Variants in YLPM1 observed in about 807,000 individuals in gnomAD.
YLPM1 encodes the protein YLP motif containing 1.
Under a neutral mutation model 230.0 loss-of-function variants are expected in YLPM1, and 99 were observed. The ratio of observed to expected loss-of-function variants is 0.43; its 90% confidence interval spans 0.37 to 0.51. The LOEUF (loss-of-function observed/expected upper bound fraction) is 0.51, where lower values mean the gene tolerates loss of function less well. YLPM1 is among the 20% of genes least tolerant of loss of function. The probability of loss-of-function intolerance (pLI) is 0.00; values close to 1 mark genes in which losing one functional copy is unlikely to be tolerated. For synonymous variants in YLPM1, 984 were observed against 942.5 expected (o/e 1.04, Z -0.81); for missense variants, 2,592 against 2,707.7 (o/e 0.96, Z 0.95).
Position 74,809,561 on chromosome 14 carries a change from C to T in YLPM1, c.4703C>T (p.Ala1568Val). 6.2e-7 allele frequency: 1 copy of T among 1,607,276 alleles called. No homozygotes were observed. The highest frequency in any genetic ancestry group is 8.5e-7 in the Non-Finnish European group (1 of 1,176,444). Reference sequence around the variant, plus strand: ...CCAGTGATAAAGCCACAAACTTCAGCTGTAGAACAGGAACGATGGGATGAA... The same window carrying T: ...CCAGTGATAAAGCCACAAACTTCAGTTGTAGAACAGGAACGATGGGATGAA... ...PPPVIKPQTS[A>V]VEQERWDEDS... Residue 1568 changes from alanine to valine, a missense_variant, in exon 7 of 21, where the codon GCT becomes GTT. Physicochemically the swap from Ala to Val is moderately conservative, Grantham distance 64 (BLOSUM62 0). Coordinates refer to ENST00000325680, the MANE Select transcript of YLPM1 (RefSeq NM_019589.3).
In YLPM1 at chr14:74,781,573, T is replaced by C. The variant is rs1453070117; in HGVS notation, c.1530T>C (p.Tyr510=). 5 of 1,613,962 alleles carry C rather than the reference T, an allele frequency of 3.1e-6. No homozygotes were observed. Among genetic ancestry groups the C allele is most frequent in the Admixed American group, 1.7e-5 (1 of 60,012 alleles). ...VNSFQNMKNQ[Y]MGNMSMPPPF... is the part of the protein sequence containing the mutation. ...CATTTCAGAACATGAAGAACCAGTA[T>C]ATGGGGAACATGTCAATGCCACCTC... Residue 510 remains tyrosine, a synonymous_variant, in exon 4 of 21, where the codon TAT becomes TAC. Coordinates refer to ENST00000325680, the MANE Select transcript of YLPM1 (RefSeq NM_019589.3).
chr14:74,806,407 G>A (rs1427221441), intron 6 of YLPM1, among the ~76,000 whole-genome samples: 1 of 152,016 alleles, frequency 6.6e-6, no homozygotes, highest in African/African-American at 2.4e-5. Context: ...CCAACATGGT[G>A]AACCCTCGCC....
chr14:74,832,172 G>A (rs142119460), intron 19 of YLPM1, among the ~76,000 whole-genome samples: 125 of 152,294 alleles, frequency 8.2e-4, no homozygotes, highest in African/African-American at 2.8e-3. Flanking sequence ...AATGTCGTAA[G>A]TCTCAAAAGT....
intron 11 of YLPM1, 104 bp from the exon 12 acceptor site, chr14:74,816,099 G>C: frequency 9.8e-7 from 1 of 1,016,946 alleles, no homozygotes; most frequent in Non-Finnish European, 1.4e-6. Context: ...ATGGCCTGTT[G>C]TATAGTCTAT....
rs778820773 is a variant in YLPM1, at chr14:74,817,118, A to C, written c.5862+11A>C. 2 of 1,598,834 alleles carry C rather than the reference A, an allele frequency of 1.3e-6. No individual in the cohort carries two copies. Among genetic ancestry groups the C allele is most frequent in the East Asian group, 4.5e-5 (2 of 44,708 alleles). Reference sequence around the variant, plus strand: ...ACCAAGGGATTTGAGGTAGAAGCTTAAAGAACTTTAAAGTACTTTGTGTTG... The same window carrying C: ...ACCAAGGGATTTGAGGTAGAAGCTTCAAGAACTTTAAAGTACTTTGTGTTG... On this transcript the variant is annotated intron_variant, in intron 14 of 20. Coordinates refer to ENST00000325680, the MANE Select transcript of YLPM1 (RefSeq NM_019589.3).
intron 4 of YLPM1, among the ~76,000 whole-genome samples, chr14:74,794,599 C>CTTTTTTTT (rs57279878): frequency 6.7e-6 from 1 of 149,666 alleles, no homozygotes; most frequent in Non-Finnish European, 1.5e-5. Flanking sequence ...CACACAAAGT[C>CTTTTTTTT]TTTTTTTTTT....
chr14:74,797,480 TA>T, intron 4 of YLPM1, 99 bp from the exon 5 acceptor site: 1 of 1,034,648 alleles, frequency 9.7e-7, no homozygotes, highest in Non-Finnish European at 1.4e-6. Flanking sequence ...GTCATTGTTG[TA>T]AACAAATTCT....
intron 12 of YLPM1, 107 bp downstream of exon 12, chr14:74,816,372 A>G (rs1566762435): frequency 1.5e-6 from 2 of 1,335,654 alleles, no homozygotes; most frequent in Non-Finnish European, 2.1e-6. Flanking sequence ...ATTGTCTTCC[A>G]TTTGATCCAT....
Position 74,781,495 on chromosome 14 carries a change from A to T in YLPM1, c.1452A>T (p.Thr484=), listed in dbSNP as rs2091091529. 1 of 1,613,842 alleles carries T rather than the reference A, an allele frequency of 6.2e-7. No homozygotes were observed. Among genetic ancestry groups the T allele is most frequent in the African/African-American group, 1.3e-5 (1 of 75,028 alleles). The change falls in exon 4 of 21, where the codon ACA becomes ACT. Residue 484 remains threonine (T), a synonymous_variant. Transcript: ENST00000325680. ...QLQEYEKQWK[T]WQGHMKATQS... is the part of the protein sequence containing the mutation. ...AGGAGTATGAGAAGCAGTGGAAAACATGGCAGGGACATATGAAAGCCACTC... is the reference window on the plus strand; with the variant it reads ...AGGAGTATGAGAAGCAGTGGAAAACTTGGCAGGGACATATGAAAGCCACTC...
chr14:74,818,165 C>A, intron 15 of YLPM1, 66 bp from the exon 16 acceptor site: 1 of 945,642 alleles, frequency 1.1e-6, no homozygotes. Context: ...TGTTGTTTAT[C>A]TTGGATGCTT....
intron 17 of YLPM1, chr14:74,821,352 G>A (rs1594843379): frequency 1.7e-6 from 1 of 599,650 alleles, no homozygotes; most frequent in East Asian, 3.6e-5. Context: ...TTTTAACAGA[G>A]TGCTAAGAAA....
chr14:74,798,356 A>G lies in YLPM1; in HGVS notation c.3059A>G (p.Tyr1020Cys). The stretch of plus-strand genomic sequence containing the variant: ...GGCAATAGAGGCAACAGCTCATCTT[A>G]CAGAGGTCCTGGGCAAAGCAGAATG... ...LEGNRGNSSS[Y>C]RGPGQSRMED... is the part of the protein sequence containing the mutation. Residue 1020 changes from tyrosine to cysteine, a missense_variant, in exon 5 of 21, where the codon TAC (tyrosine) becomes TGC (cysteine). By Grantham distance (194) the Tyr-to-Cys change is radical. Around this residue, in one of 4 missense-constraint regions of YLPM1, gnomAD observed 1,862 missense variants for 1,819.8 expected, o/e 1.02. Transcript: ENST00000325680. 1 of 1,614,074 alleles carries G rather than the reference A, an allele frequency of 6.2e-7. No individual in the cohort carries two copies. Among genetic ancestry groups the G allele is most frequent in the East Asian group, 2.2e-5 (1 of 44,892 alleles).
chr14:74,763,631 T>C lies in YLPM1; in HGVS notation c.142T>C (p.Ser48Pro). The change falls in exon 1 of 21, where the codon TCG becomes CCG. Residue 48 changes from serine (S) to proline (P), a missense_variant. Ser to Pro is a moderately conservative substitution (Grantham distance 74, BLOSUM62 -1). This residue lies in a region of YLPM1 where 1,862 missense variants were observed against 1,819.8 expected (regional missense o/e 1.02). Coordinates refer to ENST00000325680, the MANE Select transcript of YLPM1 (RefSeq NM_019589.3). ...SSTTPAAPSS[S>P]GFMSFREQHL... ...GACGACTCCCGCGGCCCCCTCCTCC[T>C]CGGGCTTCATGAGCTTCCGCGAACA... The C allele has an allele frequency of 6.3e-7, 1 of 1,591,338 alleles. No individual in the cohort carries two copies.
chr14:74,785,219 A>C (rs773188292), intron 4 of YLPM1, among the ~76,000 whole-genome samples: 1 of 151,890 alleles, frequency 6.6e-6, no homozygotes, highest in Admixed American at 6.6e-5. Flanking sequence ...ATTGTTTTCT[A>C]GTTAGGTTTG....
chr14:74,795,887 T>G (rs926620041), intron 4 of YLPM1, among the ~76,000 whole-genome samples: 1 of 152,246 alleles, frequency 6.6e-6, no homozygotes, highest in African/African-American at 2.4e-5. Flanking sequence ...GGTTCAGGAA[T>G]CCAGTTCCTT....
intron 18 of YLPM1, among the ~76,000 whole-genome samples, chr14:74,826,953 T>C (rs1428121600): frequency 6.6e-6 from 1 of 152,236 alleles, no homozygotes; most frequent in African/African-American, 2.4e-5. Flanking sequence ...TAAAGTACTT[T>C]TGCTTTTCTC....
At position 74,835,336 on chromosome 14, in the gene YLPM1, G is replaced by T. The variant is rs1223520080; in HGVS notation, c.6366G>T (p.Gln2122His). The T allele has an allele frequency of 6.2e-7, 1 of 1,613,784 alleles. No homozygotes were observed. Among genetic ancestry groups the T allele is most frequent in the Non-Finnish European group, 8.5e-7 (1 of 1,179,740 alleles). ...GGGCCATAGGTTTTGTGGTCGGACA[G>T]ACTGATTGGGAGAAGATCACAGATG... ...RKRAIGFVVG[Q>H]TDWEKITDES... The change falls in exon 20 of 21, where the codon CAG becomes CAT. Residue 2122 changes from glutamine (Q) to histidine (H), a missense_variant. This residue lies in a region of YLPM1 where 315 missense variants were observed against 429.3 expected (regional missense o/e 0.73). Transcript: ENST00000325680.
At chr14:74,827,518 G>T in intron 18 of YLPM1, 1 of 985,438 alleles carries the variant, frequency 1.0e-6, no homozygotes, top group African/African-American at 1.7e-5. Context: ...TGTTGCAACT[G>T]TAACTCCTGT....
At chr14:74,833,788 G>A (rs2091624753) in intron 19 of YLPM1, among the ~76,000 whole-genome samples, 1 of 152,162 alleles carries the variant, frequency 6.6e-6, no homozygotes, top group Admixed American at 6.5e-5. Flanking sequence ...ACTGTTAAAA[G>A]CCTAGTTATT....
Sources: gnomAD v4.1 joint callset for allele counts (sites outside exome capture counted in the v4.1 genomes callset) on GRCh38, gnomAD v4.1.1 for gene constraint, gnomAD v4.1.1 regional missense constraint, MANE v1.5 for transcripts, NCBI Gene and HGNC (gene_info 2026-07-23, HGNC 2026-07-21) for gene names.